Variants in MAP4 observed in about 807,000 individuals in gnomAD.
MAP4 encodes microtubule-associated protein 4.
MAP4 carries 76 observed loss-of-function variants against 170.2 expected under a neutral mutation model. That is an observed-to-expected ratio of 0.45 (90% CI 0.37 to 0.54). MAP4 has a LOEUF of 0.54. Ranked by LOEUF, MAP4 falls within the 20% of genes least tolerant of loss-of-function variation. The pLI is 0.00. For missense variants in MAP4, 2,506 were observed against 2,748.0 expected, an observed-to-expected ratio of 0.91 and a Z score of 1.97; for synonymous variants, 909 against 994.5, an observed-to-expected ratio of 0.91 and a Z score of 1.62.
chr3:47,959,870 T>A (rs2100070475), intron 3 of MAP4, among the ~76,000 whole-genome samples: 1 of 152,096 alleles, frequency 6.6e-6, no homozygotes, highest in African/African-American at 2.4e-5. Flanking sequence ...TGGCCATTTT[T>A]ATTTTTTTTT....
At chr3:48,027,795 G>A (rs543465491) in intron 1 of MAP4, among the ~76,000 whole-genome samples, 2 of 152,240 alleles carry the variant, frequency 1.3e-5, no homozygotes, top group African/African-American at 2.4e-5. Flanking sequence ...CCATGATTGC[G>A]GAACTGCACC....
chr3:47,909,774 TA>T lies in MAP4; in HGVS notation c.4646del (p.Ile1549LysfsTer16). ...CACTGTGCACTGACTCAGATTCTCCTATCACATGCCCTTCATCGATCCCTGC... is the reference window on the plus strand; with the variant it reads ...CACTGTGCACTGACTCAGATTCTCCTTCACATGCCCTTCATCGATCCCTGC... Reference protein sequence around the residue: ...NEAGIDEGHVIGESESVHSGA... With the variant: ...NEAGIDEGHVXGESESVHSGA... On this transcript the variant is annotated frameshift_variant, in exon 9 of 21. Transcript: ENST00000683076. LOFTEE classifies it high-confidence loss of function. 1 of 1,614,030 alleles carries T rather than the reference TA, an allele frequency of 6.2e-7. No individual in the cohort carries two copies. The highest frequency in any genetic ancestry group is 8.5e-7 in the Non-Finnish European group (1 of 1,179,884).
At chr3:47,892,700 CGAAA>C (rs2100024677) in intron 10 of MAP4, 7 of 1,359,714 alleles carry the variant, frequency 5.1e-6, no homozygotes, top group African/African-American at 2.9e-5. Flanking sequence ...TGAATGAAAG[CGAAA>C]GAAAGGAAGG....
At chr3:47,927,766 C>T (rs1358603678) in intron 4 of MAP4, among the ~76,000 whole-genome samples, 2 of 152,144 alleles carry the variant, frequency 1.3e-5, no homozygotes, top group African/African-American at 4.8e-5. Context: ...TAACCCACCG[C>T]ACCTGGTCTG....
intron 3 of MAP4, among the ~76,000 whole-genome samples, chr3:47,942,998 C>A (rs2100057483): frequency 6.6e-6 from 1 of 152,064 alleles, no homozygotes; most frequent in African/African-American, 2.4e-5. Context: ...CCTGTCGTCC[C>A]AGTTACTTTG....
intron 1 of MAP4, among the ~76,000 whole-genome samples, chr3:48,031,960 T>C (rs1314141489): frequency 6.6e-6 from 1 of 152,094 alleles, no homozygotes; most frequent in Admixed American, 6.6e-5. Flanking sequence ...CTTGATATAA[T>C]GTGATAAGAG....
chr3:47,932,781 C>A (rs1235243695), intron 3 of MAP4, among the ~76,000 whole-genome samples: 1 of 152,198 alleles, frequency 6.6e-6, no homozygotes, highest in African/African-American at 2.4e-5. Flanking sequence ...GGTGCAGCGG[C>A]TGTTCACAGG....
At chr3:48,048,396 CTA>C (rs2100125683) in intron 1 of MAP4, among the ~76,000 whole-genome samples, 1 of 151,052 alleles carries the variant, frequency 6.6e-6, no homozygotes, top group African/African-American at 2.4e-5. Flanking sequence ...TTGGCAACAT[CTA>C]GTATTTAAGA....
intron 1 of MAP4, among the ~76,000 whole-genome samples, chr3:48,015,290 C>T (rs1270887418): frequency 2.9e-4 from 20 of 67,944 alleles, no homozygotes; most frequent in Non-Finnish European, 4.4e-4. Flanking sequence ...TGGGTGGGGG[C>T]GGGGGCGGTT....
At chr3:47,997,461 A>C (rs1466430419) in intron 2 of MAP4, among the ~76,000 whole-genome samples, 1 of 151,820 alleles carries the variant, frequency 6.6e-6, no homozygotes, top group Non-Finnish European at 1.5e-5. Context: ...CACAGCTAAA[A>C]TGGTGATTAG....
chr3:48,061,812 G>A (rs2100135621), intron 1 of MAP4, among the ~76,000 whole-genome samples: 3 of 149,990 alleles, frequency 2.0e-5, no homozygotes, highest in Non-Finnish European at 3.0e-5. Flanking sequence ...CCCCCACCCG[G>A]CCAGCCGCCC....
chr3:47,863,898 C>CTG (rs138565127), intron 17 of MAP4, among the ~76,000 whole-genome samples: 140 of 131,204 alleles, frequency 1.1e-3, no homozygotes, highest in African/African-American at 3.2e-3. Context: ...TGCGTTATTT[C>CTG]TGTGTGTGTG....
At chr3:48,053,522 G>A (rs2100128996) in intron 1 of MAP4, among the ~76,000 whole-genome samples, 1 of 152,096 alleles carries the variant, frequency 6.6e-6, no homozygotes, top group Non-Finnish European at 1.5e-5. Flanking sequence ...AAAGCCACAT[G>A]AACACTTTTA....
intron 5 of MAP4, 109 bp downstream of exon 5, chr3:47,921,656 T>G (rs1364645720): frequency 1.5e-6 from 1 of 646,934 alleles, no homozygotes; most frequent in Non-Finnish European, 2.8e-6. Flanking sequence ...TTTGGTCTCT[T>G]TTTTCTTGTT....
intron 3 of MAP4, among the ~76,000 whole-genome samples, chr3:47,947,630 T>C (rs1285801627): frequency 6.6e-6 from 1 of 151,590 alleles, no homozygotes; most frequent in Admixed American, 6.6e-5. Flanking sequence ...CTGGGCACAA[T>C]GAAACTGCAT....
chr3:48,051,172 G>C (rs966415974), intron 1 of MAP4, among the ~76,000 whole-genome samples: 3 of 151,066 alleles, frequency 2.0e-5, no homozygotes, highest in African/African-American at 7.3e-5. Context: ...CAGCACTTTG[G>C]GAGGCCAAGG....
intron 10 of MAP4, among the ~76,000 whole-genome samples, chr3:47,901,733 T>G (rs2153353621): frequency 6.6e-6 from 1 of 151,922 alleles, no homozygotes; most frequent in South Asian, 2.1e-4. Context: ...AAGAAATAAC[T>G]ATATCTGCAA....
chr3:47,949,766 G>C (rs1024342182), intron 3 of MAP4, among the ~76,000 whole-genome samples: 1 of 152,196 alleles, frequency 6.6e-6, no homozygotes, highest in African/African-American at 2.4e-5. Flanking sequence ...AGCACTGGAG[G>C]AATACTACAG....
intron 1 of MAP4, among the ~76,000 whole-genome samples, chr3:48,070,528 C>T (rs1275215957): frequency 6.7e-6 from 1 of 149,506 alleles, no homozygotes; most frequent in African/African-American, 2.5e-5. Flanking sequence ...CACTATGCTG[C>T]TTAGGCTGGT....
Sources: gnomAD v4.1 joint callset for allele counts (sites outside exome capture counted in the v4.1 genomes callset) on GRCh38, gnomAD v4.1.1 for gene constraint, MANE v1.5 for transcripts, NCBI Gene and HGNC (gene_info 2026-07-23, HGNC 2026-07-21) for gene names.